The following EFCAB6 variants were observed in gnomAD, a reference collection of about 807,000 sequenced individuals.
The protein encoded by EFCAB6 is EF-hand calcium-binding domain-containing protein 6.
EFCAB6 carries 156 observed loss-of-function variants against 169.8 expected under a neutral mutation model. That is an observed-to-expected ratio of 0.92 (90% CI 0.81 to 1.05). The LOEUF (loss-of-function observed/expected upper bound fraction) is 1.05. Among genes scored for constraint, EFCAB6 ranks in the 50% least tolerant of loss-of-function variants. EFCAB6 has a pLI of 0.00. For missense variants in EFCAB6, 1,800 were observed against 1,829.1 expected, an observed-to-expected ratio of 0.98 and a Z score of 0.29; for synonymous variants, 698 against 676.4, an observed-to-expected ratio of 1.03 and a Z score of -0.50.
intron 1 of EFCAB6, among the ~76,000 whole-genome samples, chr22:43,811,889 G>A (rs755850377): frequency 1.5e-4 from 23 of 152,142 alleles, no homozygotes; most frequent in Non-Finnish European, 2.8e-4. Context: ...GGAAGAAGAC[G>A]TCACCACCGT....
chr22:43,720,925 GA>G (rs2059501795), intron 8 of EFCAB6, among the ~76,000 whole-genome samples: 1 of 152,174 alleles, frequency 6.6e-6, no homozygotes, highest in Admixed American at 6.5e-5. Flanking sequence ...ACGAAATGAA[GA>G]AGTCAAACTA....
chr22:43,654,646 T>C (rs547963393), intron 17 of EFCAB6, among the ~76,000 whole-genome samples: 2 of 152,228 alleles, frequency 1.3e-5, no homozygotes, highest in East Asian at 3.9e-4. Flanking sequence ...ACAAGGCAAG[T>C]CTAGGAAACT....
intron 6 of EFCAB6, among the ~76,000 whole-genome samples, chr22:43,755,295 C>T (rs79828715): frequency 0.019 from 2,869 of 152,268 alleles, 91 homozygotes; most frequent in African/African-American, 0.066. Context: ...AGGAACGATG[C>T]TATATGCTCT....
chr22:43,544,155 A>C (rs1390298031), intron 27 of EFCAB6, among the ~76,000 whole-genome samples: 2 of 152,002 alleles, frequency 1.3e-5, no homozygotes, highest in Non-Finnish European at 2.9e-5. Context: ...ACTCTTCCCC[A>C]GTAAATGTCC....
chr22:43,765,509 G>T, intron 4 of EFCAB6, 116 bp from the exon 5 acceptor site: 2 of 688,710 alleles, frequency 2.9e-6, no homozygotes, highest in Non-Finnish European at 5.0e-6. Context: ...ACTATTAACA[G>T]GACGAGCATT....
intron 26 of EFCAB6, 137 bp from the exon 27 acceptor site, chr22:43,555,233 A>G: frequency 1.2e-6 from 1 of 855,544 alleles, no homozygotes; most frequent in Admixed American, 2.4e-5. Flanking sequence ...TACAGCCTGG[A>G]GGTGGGTTCA....
At chr22:43,571,588 C>T (rs577934491) in intron 26 of EFCAB6, among the ~76,000 whole-genome samples, 1 of 152,148 alleles carries the variant, frequency 6.6e-6, no homozygotes, top group Non-Finnish European at 1.5e-5. Flanking sequence ...GCTGCCTTCC[C>T]CTGCAGCCGC....
intron 12 of EFCAB6, among the ~76,000 whole-genome samples, chr22:43,682,259 A>G (rs558017487): frequency 6.6e-6 from 1 of 152,296 alleles, no homozygotes; most frequent in African/African-American, 2.4e-5. Context: ...CTTATCGGCA[A>G]GGACTTAGCA....
intron 22 of EFCAB6, among the ~76,000 whole-genome samples, chr22:43,606,235 G>A (rs573950378): frequency 2.0e-5 from 3 of 152,166 alleles, no homozygotes; most frequent in Non-Finnish European, 1.5e-5. Flanking sequence ...GTTTATTAGC[G>A]CTTGATTTCT....
intron 16 of EFCAB6, among the ~76,000 whole-genome samples, chr22:43,668,461 T>C (rs971211305): frequency 1.3e-5 from 2 of 152,234 alleles, no homozygotes; most frequent in African/African-American, 4.8e-5. Flanking sequence ...AAATGTTAAC[T>C]GATTTAATGG....
At chr22:43,790,172 G>A (rs1328833529) in intron 2 of EFCAB6, among the ~76,000 whole-genome samples, 1 of 152,188 alleles carries the variant, frequency 6.6e-6, no homozygotes. Flanking sequence ...ATTTGCCACA[G>A]TCAGGTGGCA....
intron 13 of EFCAB6, 145 bp downstream of exon 13, chr22:43,677,851 C>A: frequency 1.2e-6 from 1 of 811,104 alleles, no homozygotes; most frequent in Non-Finnish European, 1.9e-6. Context: ...TGCTTAAACA[C>A]TTGACCCTCA....
chr22:43,580,578 A>C lies in EFCAB6; in HGVS notation c.3114T>G (p.Ala1038=), dbSNP rs771202973. 3 of 1,614,090 alleles carry C rather than the reference A, an allele frequency of 1.9e-6. No homozygotes were observed. The highest frequency in any genetic ancestry group is 1.1e-5 in the South Asian group (1 of 91,074). The change falls in exon 25 of 32, where the codon GCT becomes GCG. Residue 1038 remains alanine, a synonymous_variant. Transcript: ENST00000262726. The stretch of plus-strand genomic sequence containing the variant: ...TGCTCTCTTCTTTTTCCTTGGGCTG[A>C]GCTCCTGTTGACTTGCTGTTCTCCA... The part of the protein sequence containing the change: ...RAVENSKSTG[A]QPKEKEESMP...
At position 43,755,775 on chromosome 22, in the gene EFCAB6, C is replaced by T. The variant is rs770573352; in HGVS notation, c.498G>A (p.Val166=). The T allele has an allele frequency of 6.8e-6, 11 of 1,606,998 alleles. No homozygotes were observed. Among genetic ancestry groups the T allele is most frequent in the South Asian group, 1.1e-5 (1 of 88,782 alleles). The change falls in exon 6 of 32, where the codon GTG becomes GTA. Residue 166 remains valine (V), a synonymous_variant. Coordinates refer to ENST00000262726, the MANE Select transcript of EFCAB6 (RefSeq NM_022785.4). ...TTAAAATCTCTATTACCTTTTCTCC[C>T]ACTTGGATTTCAAGTTCTCTTAATG... ...CRTLRELEIQ[V]GEKVFKNIKT...
chr22:43,760,532 T>C (rs1427607588), intron 5 of EFCAB6, among the ~76,000 whole-genome samples: 2 of 152,270 alleles, frequency 1.3e-5, no homozygotes, highest in African/African-American at 4.8e-5. Context: ...ACTTCTGCCC[T>C]GTTTTTTCTC....
intron 10 of EFCAB6, among the ~76,000 whole-genome samples, chr22:43,707,663 T>G (rs1400654284): frequency 6.6e-6 from 1 of 152,148 alleles, no homozygotes; most frequent in Non-Finnish European, 1.5e-5. Flanking sequence ...TACATTTTCA[T>G]TAAAGAGTAG....
intron 19 of EFCAB6, among the ~76,000 whole-genome samples, chr22:43,631,177 G>A (rs762387751): frequency 1.3e-5 from 2 of 150,924 alleles, no homozygotes; most frequent in Non-Finnish European, 2.9e-5. Flanking sequence ...TCTCCATTCT[G>A]CCTCTGGATG....
chr22:43,783,100 C>T lies in EFCAB6; in HGVS notation c.-7-775G>A, dbSNP rs533238419. On this transcript the variant is annotated intron_variant, in intron 2 of 31. Coordinates refer to ENST00000262726, the MANE Select transcript of EFCAB6 (RefSeq NM_022785.4). ...CTTATCATTATTTGACCTGATGTTT[C>T]CCTGAAAGATCCTACTCCCAAGGCT... is the stretch of plus-strand genomic sequence containing the variant. Among the ~76,000 whole-genome samples, 123 of 152,240 alleles carry T rather than the reference C, an allele frequency of 8.1e-4. 2 individuals carry two copies. Among genetic ancestry groups the T allele is most frequent in the South Asian group, 6.2e-3 (30 of 4,832 alleles).
intron 21 of EFCAB6, among the ~76,000 whole-genome samples, chr22:43,609,322 C>T (rs8139430): frequency 0.1 from 15,575 of 152,034 alleles, 867 homozygotes; most frequent in Admixed American, 0.12. Flanking sequence ...GGTCTCAGCC[C>T]GTTTAATCAG....
Sources: allele counts gnomAD v4.1 joint callset (sites outside exome capture counted in the v4.1 genomes callset), GRCh38; gene constraint gnomAD v4.1.1; transcripts MANE v1.5; gene names NCBI Gene and HGNC (gene_info 2026-07-23, HGNC 2026-07-21).